The following ST8SIA6 variants were observed in gnomAD, a reference collection of about 807,000 sequenced individuals.
ST8SIA6 encodes alpha-2,8-sialyltransferase 8F.
Under a neutral mutation model 33.6 loss-of-function variants are expected in ST8SIA6, and 39 were observed. The ratio of observed to expected loss-of-function variants is 1.16; its 90% CI spans 0.90 to 1.52. ST8SIA6 has a LOEUF of 1.52. Ranked by LOEUF, ST8SIA6 falls within the 40% of genes most tolerant of loss-of-function variation. ST8SIA6 has a pLI of 0.00. For synonymous variants in ST8SIA6, 172 were observed against 167.2 expected (o/e 1.03, Z -0.22); for missense variants, 441 against 443.8 (o/e 0.99, Z 0.06).
In ST8SIA6 at chr10:17,318,052, T is replaced by G. The variant is rs1192579097; in HGVS notation, c.*2826A>C. On this transcript the variant is annotated 3_prime_UTR_variant, in exon 8 of 8. Coordinates refer to ENST00000377602, the MANE Select transcript of ST8SIA6 (RefSeq NM_001004470.3). The stretch of plus-strand genomic sequence containing the variant: ...ATATACTTAAATGAATATTTCTGCC[T>G]TGCCTTTGGATTTGGCTGAAAATTA... 6.6e-6 allele frequency among the ~76,000 whole-genome samples: 1 copy of G among 152,222 alleles called. No individual in the cohort carries two copies. Among genetic ancestry groups the G allele is most frequent in the Non-Finnish European group, 1.5e-5 (1 of 68,036 alleles).
At chr10:17,369,396 T>C (rs1400988134) in intron 3 of ST8SIA6, among the ~76,000 whole-genome samples, 1 of 152,240 alleles carries the variant, frequency 6.6e-6, no homozygotes, top group Non-Finnish European at 1.5e-5. Flanking sequence ...GTTTTTCTGC[T>C]ATGTATTTCA....
At chr10:17,360,336 G>T (rs1849339845) in intron 3 of ST8SIA6, among the ~76,000 whole-genome samples, 1 of 151,976 alleles carries the variant, frequency 6.6e-6, no homozygotes, top group Admixed American at 6.6e-5. Context: ...GTGATCAAAG[G>T]CTCTACAACA....
At chr10:17,329,019 T>C (rs1402121278) in intron 5 of ST8SIA6, among the ~76,000 whole-genome samples, 1 of 152,156 alleles carries the variant, frequency 6.6e-6, no homozygotes, top group Non-Finnish European at 1.5e-5. Context: ...CCAGGGCCGA[T>C]GTGGTTCTGA....
chr10:17,381,032 G>GT (rs34818070), intron 3 of ST8SIA6, among the ~76,000 whole-genome samples: 135 of 148,370 alleles, frequency 9.1e-4, no homozygotes, highest in African/African-American at 2.3e-3. Flanking sequence ...TTGAGCAAAA[G>GT]TTTTTTTTTT....
chr10:17,345,971 C>A (rs551471300), intron 4 of ST8SIA6, among the ~76,000 whole-genome samples: 18 of 152,294 alleles, frequency 1.2e-4, no homozygotes, highest in African/African-American at 4.3e-4. Flanking sequence ...AGTGCTTGAA[C>A]CAGTAGAATG....
intron 5 of ST8SIA6, among the ~76,000 whole-genome samples, chr10:17,328,193 G>T (rs1185952277): frequency 2.0e-5 from 3 of 152,164 alleles, no homozygotes; most frequent in Admixed American, 2.0e-4. Context: ...ATTAATAGGT[G>T]ATTTAGCAAA....
Position 17,319,090 on chromosome 10 carries a change from C to T in ST8SIA6, c.*1788G>A, listed in dbSNP as rs1259946777. Among the ~76,000 whole-genome samples, 1 of 152,000 alleles carries T rather than the reference C, an allele frequency of 6.6e-6. No individual in the cohort carries two copies. Among genetic ancestry groups the T allele is most frequent in the Non-Finnish European group, 1.5e-5 (1 of 68,006 alleles). On this transcript the variant is annotated 3_prime_UTR_variant, in exon 8 of 8. Transcript: ENST00000377602. ...CTGCTGTGAAATCACAACTATAGAC[C>T]CACTTGAGAAAAAGATAAAAAGAAT...
At chr10:17,355,111 A>C (rs150618577) in intron 4 of ST8SIA6, among the ~76,000 whole-genome samples, 1 of 152,208 alleles carries the variant, frequency 6.6e-6, no homozygotes, top group East Asian at 1.9e-4. Flanking sequence ...GAGAAGCCCT[A>C]TCTCTTACAA....
chr10:17,424,240 A>C (rs748017155), intron 2 of ST8SIA6, among the ~76,000 whole-genome samples: 4 of 152,048 alleles, frequency 2.6e-5, no homozygotes, highest in African/African-American at 4.8e-5. Flanking sequence ...AGTAGCTGGA[A>C]TTACAGGTGC....
At chr10:17,443,278 T>C (rs1353138212) in intron 2 of ST8SIA6, among the ~76,000 whole-genome samples, 1 of 152,170 alleles carries the variant, frequency 6.6e-6, no homozygotes, top group Non-Finnish European at 1.5e-5. Context: ...ATTTATTTTA[T>C]AGAGTTAGGA....
chr10:17,320,912 A>G lies in ST8SIA6; in HGVS notation c.1163T>C (p.Leu388Pro). ...QILQLHMKGI[L>P]KLQFSKCEVA Reference sequence around the variant, plus strand: ...TTCACATTTGCTAAATTGCAGTTTGAGGATTCCTTTCATGTGAAGTTGGAG... The same window carrying G: ...TTCACATTTGCTAAATTGCAGTTTGGGGATTCCTTTCATGTGAAGTTGGAG... The change falls in exon 8 of 8, where the codon CTC (leucine) becomes CCC (proline). Residue 388 changes from leucine to proline, a missense_variant. Transcript: ENST00000377602. 1 of 1,614,042 alleles carries G rather than the reference A, an allele frequency of 6.2e-7. No homozygotes were observed. Among genetic ancestry groups the G allele is most frequent in the East Asian group, 2.2e-5 (1 of 44,888 alleles).
intron 7 of ST8SIA6, among the ~76,000 whole-genome samples, chr10:17,322,745 C>T (rs1035806544): frequency 1.3e-5 from 2 of 151,558 alleles, no homozygotes; most frequent in Admixed American, 6.6e-5. Context: ...GAAAGTGCTA[C>T]CAAGAAAAAA....
intron 2 of ST8SIA6, among the ~76,000 whole-genome samples, 179 bp from the exon 3 acceptor site, chr10:17,390,799 G>GA (rs60135551): frequency 1.5e-4 from 21 of 139,444 alleles, no homozygotes; most frequent in Non-Finnish European, 2.6e-4. Context: ...GGGTCTAAAT[G>GA]AAAAAAAAAA....
intron 3 of ST8SIA6, among the ~76,000 whole-genome samples, chr10:17,372,116 CT>C (rs1242864749): frequency 4.6e-5 from 7 of 152,116 alleles, no homozygotes; most frequent in Non-Finnish European, 4.4e-5. Flanking sequence ...ATGTCCAAAG[CT>C]TTCAGACATC....
At chr10:17,382,053 G>A (rs1258297311) in intron 3 of ST8SIA6, among the ~76,000 whole-genome samples, 3 of 152,210 alleles carry the variant, frequency 2.0e-5, no homozygotes, top group Non-Finnish European at 4.4e-5. Context: ...TTTTGCAATG[G>A]TGGTTTCATA....
chr10:17,361,887 C>T (rs1010264292), intron 3 of ST8SIA6, among the ~76,000 whole-genome samples: 2 of 152,072 alleles, frequency 1.3e-5, no homozygotes, highest in African/African-American at 4.8e-5. Context: ...AAGCAGCTCA[C>T]CATATTAACA....
chr10:17,416,688 G>T (rs1035245732), intron 2 of ST8SIA6, among the ~76,000 whole-genome samples: 1 of 152,098 alleles, frequency 6.6e-6, no homozygotes, highest in Admixed American at 6.6e-5. Context: ...CCTCATTCAA[G>T]GCACATCAGC....
intron 3 of ST8SIA6, among the ~76,000 whole-genome samples, chr10:17,387,830 C>G (rs1318318395): frequency 1.3e-5 from 2 of 152,214 alleles, no homozygotes; most frequent in Non-Finnish European, 2.9e-5. Flanking sequence ...GATATGATAA[C>G]AACGCCAAGC....
chr10:17,453,272 C>T (rs1239666260), intron 2 of ST8SIA6, among the ~76,000 whole-genome samples: 2 of 151,864 alleles, frequency 1.3e-5, no homozygotes, highest in Non-Finnish European at 2.9e-5. Flanking sequence ...GGGGTGCTTT[C>T]AACACACCAT....
Sources: gnomAD v4.1 joint callset for allele counts (sites outside exome capture counted in the v4.1 genomes callset) on GRCh38, gnomAD v4.1.1 for gene constraint, MANE v1.5 for transcripts, NCBI Gene and HGNC (gene_info 2026-07-23, HGNC 2026-07-21) for gene names.